Variants in SULT4A1 observed in about 807,000 individuals in gnomAD.
The protein encoded by SULT4A1 is sulfotransferase 4A1.
SULT4A1 carries 11 observed loss-of-function variants against 35.2 expected under a neutral mutation model. The observed-to-expected ratio is 0.31, with a 90% CI of 0.20 to 0.52. The LOEUF (loss-of-function observed/expected upper bound fraction) is 0.52. SULT4A1 is among the 20% of genes least tolerant of loss of function. The pLI, the probability that SULT4A1 is intolerant of heterozygous loss-of-function variation, is 0.97. For synonymous variants in SULT4A1, 152 were observed against 151.8 expected, an observed-to-expected ratio of 1.00 and a Z score of -0.01; for missense variants, 271 against 383.7, an observed-to-expected ratio of 0.71 and a Z score of 2.45.
chr22:43,844,645 A>G (rs1039530463), intron 1 of SULT4A1, among the ~76,000 whole-genome samples: 4 of 152,202 alleles, frequency 2.6e-5, no homozygotes, highest in Non-Finnish European at 5.9e-5. Flanking sequence ...TGCGGGGTCC[A>G]GGCTGCACCC....
intron 1 of SULT4A1, among the ~76,000 whole-genome samples, chr22:43,859,231 T>C (rs1444188308): frequency 6.6e-6 from 1 of 152,246 alleles, no homozygotes; most frequent in Non-Finnish European, 1.5e-5. Flanking sequence ...CTGAGTTGTC[T>C]GAAAATGTAA....
rs576072849 is a variant in SULT4A1, at chr22:43,852,781, A to C, written c.169+9433T>G. Among the ~76,000 whole-genome samples, 4 of 150,568 alleles carry C rather than the reference A, an allele frequency of 2.7e-5. 1 individual carries two copies. In the South Asian group the frequency reaches 8.6e-4, roughly 32 times the overall value. Reference sequence around the variant, plus strand: ...CACCCGGCTGGCAACTAGATGGGGAACCAAGACTTCCGGAGCCCAGCTCAC... The same window carrying C: ...CACCCGGCTGGCAACTAGATGGGGACCCAAGACTTCCGGAGCCCAGCTCAC... On this transcript the variant is annotated intron_variant, in intron 1 of 6. Coordinates refer to ENST00000330884, the MANE Select transcript of SULT4A1 (RefSeq NM_014351.4).
At position 43,829,191 on chromosome 22, in the gene SULT4A1, AC is replaced by A; in HGVS notation, c.610del (p.Val204Ter). 1 of 1,562,014 alleles carries A rather than the reference AC, an allele frequency of 6.4e-7. No individual in the cohort carries two copies. Among genetic ancestry groups the A allele is most frequent in the South Asian group, 1.2e-5 (1 of 84,130 alleles). On this transcript the variant is annotated frameshift_variant, in exon 6 of 7. Coordinates refer to ENST00000330884, the MANE Select transcript of SULT4A1 (RefSeq NM_014351.4). LOFTEE classifies it high-confidence loss of function. The stretch of plus-strand genomic sequence containing the variant: ...TCTGGCCAGCTGCTCCACCATCGTC[AC>A]CAGGTCCTGGAAGACAAGTGCAGAG... ...LKYEDMHRDL[V>X]TMVEQLARFL...
chr22:43,841,573 T>C (rs1342522897), intron 2 of SULT4A1, among the ~76,000 whole-genome samples: 3 of 152,036 alleles, frequency 2.0e-5, no homozygotes, highest in Non-Finnish European at 2.9e-5. Context: ...CCCCCAGGCA[T>C]TGACTTCCTT....
intron 1 of SULT4A1, among the ~76,000 whole-genome samples, chr22:43,859,665 T>C (rs1283320494): frequency 6.6e-6 from 1 of 152,202 alleles, no homozygotes; most frequent in African/African-American, 2.4e-5. Flanking sequence ...AACAGAAAGG[T>C]CCTTCTCAGA....
rs531633433 is a variant in SULT4A1, at chr22:43,827,323, C to T, written c.743-1210G>A. 49 of 985,442 alleles carry T rather than the reference C, an allele frequency of 5.0e-5. No homozygotes were observed. The East Asian group carries it at 3.2e-3, about 64-fold the overall frequency. The allele number at this position is 985,442 out of a possible 1,614,324, so 61.0% of individuals were successfully genotyped here. On this transcript the variant is annotated intron_variant, in intron 6 of 6. Coordinates refer to ENST00000330884, the MANE Select transcript of SULT4A1 (RefSeq NM_014351.4). The stretch of plus-strand genomic sequence containing the variant: ...GCAAATGCTGAGCTAAAATACCCAA[C>T]GTAACACGGACTTTCTCTTTGGTAA...
At chr22:43,852,366 T>TG (rs1401030794) in intron 1 of SULT4A1, among the ~76,000 whole-genome samples, 1 of 150,334 alleles carries the variant, frequency 6.7e-6, no homozygotes, top group Non-Finnish European at 1.5e-5. Context: ...TTTGTAGAGA[T>TG]GGGGGTCTCC....
At chr22:43,845,412 G>A (rs2148294804) in intron 1 of SULT4A1, among the ~76,000 whole-genome samples, 1 of 152,328 alleles carries the variant, frequency 6.6e-6, no homozygotes, top group South Asian at 2.1e-4. Context: ...GCCCGTCTCA[G>A]CAAGCAGCCC....
intron 1 of SULT4A1, among the ~76,000 whole-genome samples, chr22:43,852,350 T>TG (rs1417903687): frequency 9.3e-5 from 14 of 150,678 alleles, no homozygotes; most frequent in South Asian, 8.5e-4. Context: ...TTTTTGTTGT[T>TG]TTTTTTTTGT....
chr22:43,837,705 C>G lies in SULT4A1; in HGVS notation c.508+1162G>C, dbSNP rs559052173. On this transcript the variant is annotated intron_variant, in intron 4 of 6. Coordinates refer to ENST00000330884, the MANE Select transcript of SULT4A1 (RefSeq NM_014351.4). ...TCGTGGGTTTTCAAACTGCAAGCAA[C>G]AGAGTCAGCCTGTGGCGCCCTGCAC... Among the ~76,000 whole-genome samples the G allele has an allele frequency of 6.4e-4, 98 of 152,304 alleles. 1 individual carries two copies. The highest frequency in any genetic ancestry group is 2.2e-3 in the African/African-American group (92 of 41,572).
intron 4 of SULT4A1, among the ~76,000 whole-genome samples, chr22:43,836,568 C>A (rs1471886434): frequency 1.6e-5 from 2 of 124,500 alleles, no homozygotes. Flanking sequence ...TACACAGCGT[C>A]CTCCAACTGC....
chr22:43,853,559 G>C (rs1158931981), intron 1 of SULT4A1, among the ~76,000 whole-genome samples: 4 of 152,242 alleles, frequency 2.6e-5, no homozygotes, highest in African/African-American at 9.6e-5. Context: ...GGGTTCCACA[G>C]TCAGGCCTGA....
At chr22:43,846,797 G>A (rs563958098) in intron 1 of SULT4A1, among the ~76,000 whole-genome samples, 1 of 152,346 alleles carries the variant, frequency 6.6e-6, no homozygotes, top group African/African-American at 2.4e-5. Flanking sequence ...CAGGACAGCT[G>A]CAGTGAGGGG....
intron 1 of SULT4A1, 39 bp downstream of exon 1, chr22:43,862,175 G>A (rs1355445530): frequency 2.7e-6 from 4 of 1,494,004 alleles, no homozygotes; most frequent in Non-Finnish European, 2.7e-6. Context: ...CTGCAGGGCT[G>A]GGGCATGGCG....
At chr22:43,833,518 C>T (rs2063339507) in intron 5 of SULT4A1, 122 bp downstream of exon 5, 3 of 699,614 alleles carry the variant, frequency 4.3e-6, no homozygotes, top group Non-Finnish European at 7.2e-6. Flanking sequence ...CCGCCCCCTC[C>T]TCTGTCCCTC....
rs373715190 is a variant in SULT4A1 at position 43,829,185 on chromosome 22, A to T, written c.617T>A (p.Met206Lys). 10 of 1,564,346 alleles carry T rather than the reference A, an allele frequency of 6.4e-6. No individual in the cohort carries two copies. The highest frequency in any genetic ancestry group is 8.7e-6 in the Non-Finnish European group (10 of 1,154,650). ...CAGGAATCTGGCCAGCTGCTCCACCATCGTCACCAGGTCCTGGAAGACAAG... is the reference window on the plus strand; with the variant it reads ...CAGGAATCTGGCCAGCTGCTCCACCTTCGTCACCAGGTCCTGGAAGACAAG... ...YEDMHRDLVT[M>K]VEQLARFLGV... Residue 206 changes from methionine (M) to lysine (K), a missense_variant, in exon 6 of 7, where the codon ATG becomes AAG. Physicochemically the swap from Met to Lys is moderately conservative, Grantham distance 95. This residue lies in a region of SULT4A1 where 75 missense variants were observed against 67.7 expected (regional missense o/e 1.11). Coordinates refer to ENST00000330884, the MANE Select transcript of SULT4A1 (RefSeq NM_014351.4).
At chr22:43,851,025 G>A (rs554870097) in intron 1 of SULT4A1, among the ~76,000 whole-genome samples, 26 of 152,046 alleles carry the variant, frequency 1.7e-4, no homozygotes, top group African/African-American at 5.5e-4. Context: ...TCTCTCTTCC[G>A]TACTCTGTTC....
chr22:43,835,970 G>A (rs1043568887), intron 4 of SULT4A1, among the ~76,000 whole-genome samples: 6 of 152,232 alleles, frequency 3.9e-5, no homozygotes, highest in Admixed American at 1.3e-4. Context: ...AGGCGAGGAC[G>A]CCGGGCCCCT....
intron 1 of SULT4A1, among the ~76,000 whole-genome samples, chr22:43,843,931 G>A (rs2063453872): frequency 6.6e-6 from 1 of 152,226 alleles, no homozygotes; most frequent in Non-Finnish European, 1.5e-5. Flanking sequence ...CCTGGGGCTT[G>A]TGGTTGGCAT....
Sources: allele counts gnomAD v4.1 joint callset (sites outside exome capture counted in the v4.1 genomes callset), GRCh38; gene constraint gnomAD v4.1.1; regional missense constraint gnomAD v4.1.1; transcripts MANE v1.5; gene names NCBI Gene and HGNC (gene_info 2026-07-23, HGNC 2026-07-21).